Variants in OSBPL10 observed in about 807,000 individuals in gnomAD.
The protein encoded by OSBPL10 is oxysterol-binding protein-related protein 10.
In OSBPL10, 49 loss-of-function variants were observed where a neutral mutation model predicts 81.7. The observed-to-expected ratio is 0.60, with a 90% CI of 0.48 to 0.76. The LOEUF is 0.76. Among genes scored for constraint, OSBPL10 ranks in the 30% least tolerant of loss-of-function variants. The pLI is 0.00. For missense variants in OSBPL10, 923 were observed against 987.8 expected (o/e 0.93, Z 0.88); for synonymous variants, 419 against 383.6 (o/e 1.09, Z -1.08).
chr3:31,871,826 A>G (rs1403824864), intron 3 of OSBPL10, among the ~76,000 whole-genome samples: 2 of 152,180 alleles, frequency 1.3e-5, no homozygotes, highest in Non-Finnish European at 2.9e-5. Context: ...GCACCACTGC[A>G]TGCCAGCTTG....
intron 3 of OSBPL10, among the ~76,000 whole-genome samples, chr3:31,835,421 T>C (rs1700339605): frequency 6.6e-6 from 1 of 152,182 alleles, no homozygotes; most frequent in African/African-American, 2.4e-5. Context: ...AAGTTTGTAA[T>C]TGTTGAGCTA....
intron 6 of OSBPL10, among the ~76,000 whole-genome samples, chr3:31,703,355 T>C (rs984855516): frequency 1.3e-5 from 2 of 152,228 alleles, no homozygotes; most frequent in African/African-American, 2.4e-5. Flanking sequence ...TGATGCTTGC[T>C]TACATATAAG....
rs1336361597 is a variant in OSBPL10 at position 31,748,042 on chromosome 3, C to T, written c.808G>A (p.Ala270Thr). 6.2e-7 allele frequency: 1 copy of T among 1,614,186 alleles called. No individual in the cohort carries two copies. Reference protein sequence around the residue: ...ESLPGSGPLTALDQDLLLLKA... With the variant: ...ESLPGSGPLTTLDQDLLLLKA... ...AGGAGCAGCAGGTCCTGGTCCAAGG[C>T]AGTGAGGGGGCCGGACCCTGGCAGG... Residue 270 changes from alanine to threonine, a missense_variant, in exon 5 of 12, where the codon GCC becomes ACC. Coordinates refer to ENST00000396556, the MANE Select transcript of OSBPL10 (RefSeq NM_017784.5).
intron 2 of OSBPL10, chr3:31,879,376 C>T: frequency 2.9e-6 from 1 of 346,612 alleles, no homozygotes; most frequent in South Asian, 4.3e-5. Flanking sequence ...ATATACTGAG[C>T]TAACACTTAA....
chr3:31,672,374 A>AGGG (rs1700344820), intron 8 of OSBPL10, among the ~76,000 whole-genome samples: 1 of 38,142 alleles, frequency 2.6e-5, no homozygotes, highest in Non-Finnish European at 4.8e-5. Flanking sequence ...GGGGGGGGGC[A>AGGG]GGAGGGAGGG....
Position 31,865,293 on chromosome 3 carries a change from G to A in OSBPL10, c.537+11140C>T, listed in dbSNP as rs533584561. Among the ~76,000 whole-genome samples, 47 of 152,328 alleles carry A rather than the reference G, an allele frequency of 3.1e-4. No individual in the cohort carries two copies. In the Middle Eastern group the frequency reaches 0.01, roughly 33 times the overall value. On this transcript the variant is annotated intron_variant, in intron 3 of 11. Transcript: ENST00000396556. The stretch of plus-strand genomic sequence containing the variant: ...CTGTCCAATACGCAGCCATCAGCCA[G>A]ATGTGGCTACTGAGCACTTGAAATG...
chr3:31,899,264 A>T (rs547274815), intron 1 of OSBPL10, among the ~76,000 whole-genome samples: 13 of 152,260 alleles, frequency 8.5e-5, no homozygotes, highest in Admixed American at 5.2e-4. Context: ...TTAAAGCTTA[A>T]TATGGATGGT....
At position 31,733,362 on chromosome 3, in the gene OSBPL10, C is replaced by T. The variant is rs769580895; in HGVS notation, c.990G>A (p.Leu330=). 4.3e-6 allele frequency: 7 copies of T among 1,613,808 alleles called. No individual in the cohort carries two copies. In the South Asian group the frequency reaches 7.7e-5, roughly 18 times the overall value. The part of the protein sequence containing the change: ...HGSKSHSTEQ[L]KNGTLGSLPS... ...GCAAAGAGCCAAGTGTCCCATTTTT[C>T]AGCTGCTCTGTGGAATGTGACTTGG... Residue 330 remains leucine, a synonymous_variant, in exon 6 of 12, where the codon CTG becomes CTA. Coordinates refer to ENST00000396556, the MANE Select transcript of OSBPL10 (RefSeq NM_017784.5).
chr3:31,921,942 T>C lies in OSBPL10; in HGVS notation c.282-42112A>G, dbSNP rs4393943. 0.018 allele frequency among the ~76,000 whole-genome samples: 2,681 copies of C among 152,318 alleles called. 260 individuals are homozygous for C. The East Asian group carries it at 0.28, about 16-fold the overall frequency. On this transcript the variant is annotated intron_variant, in intron 1 of 11. Coordinates refer to ENST00000396556, the MANE Select transcript of OSBPL10 (RefSeq NM_017784.5). ...TCTGTGATCTTCCTCTGAAAACACA[T>C]AACCCTCATCTCATCAAGAGAAAAA... is the stretch of plus-strand genomic sequence containing the variant.
intron 4 of OSBPL10, among the ~76,000 whole-genome samples, chr3:31,786,229 C>A (rs1427079555): frequency 6.6e-6 from 1 of 152,176 alleles, no homozygotes; most frequent in African/African-American, 2.4e-5. Flanking sequence ...TGAGTTGTAA[C>A]TTTGCCCCCA....
chr3:32,017,703 CA>C (rs1699328051), intron 2 of OSBPL10, among the ~76,000 whole-genome samples: 1 of 152,118 alleles, frequency 6.6e-6, no homozygotes, highest in Non-Finnish European at 1.5e-5. Context: ...AACTATGTGA[CA>C]TCAGTTAAGC....
At chr3:31,895,456 C>G (rs1013127267) in intron 1 of OSBPL10, among the ~76,000 whole-genome samples, 2 of 151,898 alleles carry the variant, frequency 1.3e-5, no homozygotes, top group Non-Finnish European at 1.5e-5. Flanking sequence ...TTTAAACAAT[C>G]CCAATCCCCC....
intron 7 of OSBPL10, among the ~76,000 whole-genome samples, chr3:31,700,904 T>C (rs759760579): frequency 9.2e-5 from 14 of 152,138 alleles, no homozygotes; most frequent in Non-Finnish European, 1.0e-4. Flanking sequence ...CATAGCTTGG[T>C]GTGCAAAACA....
At chr3:31,663,037 G>GCTTCCTGCT (rs373105580) in intron 11 of OSBPL10, 5 of 985,382 alleles carry the variant, frequency 5.1e-6, no homozygotes, top group Non-Finnish European at 6.0e-6. Flanking sequence ...AACAGTGGTG[G>GCTTCCTGCT]CTTCCTGCTC....
At chr3:32,039,348 T>A (rs906762043) in intron 2 of OSBPL10, among the ~76,000 whole-genome samples, 6 of 99,740 alleles carry the variant, frequency 6.0e-5, no homozygotes, top group African/African-American at 1.7e-4. Context: ...ATAAATTAAT[T>A]AATTAGTTAA....
At chr3:31,743,058 TTAG>T (rs1164301126) in intron 5 of OSBPL10, among the ~76,000 whole-genome samples, 2 of 112,594 alleles carry the variant, frequency 1.8e-5, no homozygotes, top group South Asian at 3.0e-4. Flanking sequence ...TTTTTTTTTT[TTAG>T]AGAGAGTCTT....
intron 7 of OSBPL10, among the ~76,000 whole-genome samples, chr3:31,685,064 G>A (rs961157670): frequency 6.6e-6 from 1 of 152,154 alleles, no homozygotes; most frequent in Non-Finnish European, 1.5e-5. Context: ...ATCATCTACT[G>A]TAAGTCACTT....
intron 1 of OSBPL10, among the ~76,000 whole-genome samples, chr3:32,057,378 A>G (rs973310274): frequency 2.0e-5 from 3 of 152,166 alleles, no homozygotes; most frequent in Non-Finnish European, 4.4e-5. Flanking sequence ...CCCTGGGATT[A>G]GTAAAATCTA....
intron 4 of OSBPL10, among the ~76,000 whole-genome samples, chr3:31,779,314 T>C (rs1225580096): frequency 1.3e-5 from 2 of 152,146 alleles, no homozygotes; most frequent in Non-Finnish European, 2.9e-5. Context: ...TCTGCTGTCT[T>C]AAAGAGACTC....
Sources: allele counts gnomAD v4.1 joint callset (sites outside exome capture counted in the v4.1 genomes callset), GRCh38; gene constraint gnomAD v4.1.1; transcripts MANE v1.5; gene names NCBI Gene and HGNC (gene_info 2026-07-23, HGNC 2026-07-21).